The following LRRC4C variants were observed in gnomAD, a reference collection of about 807,000 sequenced individuals.
LRRC4C encodes the protein leucine-rich repeat-containing protein 4C.
In LRRC4C, 5 loss-of-function variants were observed where a neutral mutation model predicts 33.6. That is an observed-to-expected ratio of 0.15 (90% CI 0.08 to 0.31). The LOEUF (loss-of-function observed/expected upper bound fraction) is 0.31. Ranked by LOEUF, LRRC4C falls within the 10% of genes least tolerant of loss-of-function variation. The probability of loss-of-function intolerance (pLI) is 1.00; values close to 1 mark genes in which losing one functional copy is unlikely to be tolerated. For missense variants in LRRC4C, 560 were observed against 796.7 expected, an observed-to-expected ratio of 0.70 and a Z score of 3.58; for synonymous variants, 329 against 302.0, an observed-to-expected ratio of 1.09 and a Z score of -0.93.
intron 1 of LRRC4C, among the ~76,000 whole-genome samples, chr11:41,101,728 C>A (rs1941198344): frequency 6.6e-6 from 1 of 152,022 alleles, no homozygotes; most frequent in Non-Finnish European, 1.5e-5. Context: ...TTCACAGAAG[C>A]AAATACATGG....
chr11:41,265,803 C>G (rs1949129924), intron 1 of LRRC4C, among the ~76,000 whole-genome samples: 1 of 151,922 alleles, frequency 6.6e-6, no homozygotes, highest in South Asian at 2.1e-4. Context: ...CTCATATTAC[C>G]TGCCTTCCTT....
chr11:40,983,021 G>A (rs1171698230), intron 1 of LRRC4C, among the ~76,000 whole-genome samples: 1 of 152,128 alleles, frequency 6.6e-6, no homozygotes, highest in Non-Finnish European at 1.5e-5. Flanking sequence ...TTTTATGACT[G>A]CATAGTATTC....
chr11:40,966,967 T>C (rs1042645562), intron 1 of LRRC4C, among the ~76,000 whole-genome samples: 14 of 152,070 alleles, frequency 9.2e-5, no homozygotes, highest in Non-Finnish European at 1.0e-4. Flanking sequence ...CCACATGAGG[T>C]TGCACAGAAG....
chr11:40,872,141 C>T (rs907518505), intron 2 of LRRC4C, among the ~76,000 whole-genome samples: 16 of 152,036 alleles, frequency 1.1e-4, no homozygotes, highest in African/African-American at 3.4e-4. Context: ...GGCATCGGGA[C>T]ATCCACCAGT....
chr11:40,491,556 C>T (rs764618579), intron 3 of LRRC4C, among the ~76,000 whole-genome samples: 2 of 152,042 alleles, frequency 1.3e-5, no homozygotes, highest in African/African-American at 2.4e-5. Flanking sequence ...TGTAGGAATG[C>T]GTACCTCAGC....
chr11:40,580,513 A>G (rs911412464), intron 3 of LRRC4C, among the ~76,000 whole-genome samples: 4 of 152,180 alleles, frequency 2.6e-5, no homozygotes, highest in Non-Finnish European at 5.9e-5. Context: ...CATATCAGCT[A>G]CTGACCTTAG....
intron 2 of LRRC4C, among the ~76,000 whole-genome samples, chr11:40,886,858 A>C (rs556274459): frequency 6.6e-6 from 1 of 151,574 alleles, no homozygotes; most frequent in African/African-American, 2.4e-5. Flanking sequence ...ATATACAATC[A>C]ATACACAAGC....
intron 1 of LRRC4C, among the ~76,000 whole-genome samples, chr11:41,128,377 T>C (rs1448703398): frequency 1.3e-5 from 2 of 152,144 alleles, no homozygotes; most frequent in Non-Finnish European, 2.9e-5. Context: ...TTAAACTGAC[T>C]GTTCATTTTT....
intron 1 of LRRC4C, among the ~76,000 whole-genome samples, chr11:41,230,439 T>C (rs1417945727): frequency 1.3e-5 from 2 of 152,082 alleles, no homozygotes; most frequent in Non-Finnish European, 2.9e-5. Context: ...AATCCCACTT[T>C]CTCAGCCTCC....
intron 3 of LRRC4C, among the ~76,000 whole-genome samples, chr11:40,629,717 C>G (rs1303704675): frequency 6.6e-6 from 1 of 152,142 alleles, no homozygotes; most frequent in Admixed American, 6.5e-5. Context: ...ATGGTATTGA[C>G]CTTACTGATT....
At chr11:40,323,161 C>A (rs1380268346) in intron 3 of LRRC4C, among the ~76,000 whole-genome samples, 1 of 152,080 alleles carries the variant, frequency 6.6e-6, no homozygotes, top group Non-Finnish European at 1.5e-5. Context: ...GTTCTCATAG[C>A]TTCTCATAGC....
At chr11:41,196,074 G>T (rs559726216) in intron 1 of LRRC4C, among the ~76,000 whole-genome samples, 22 of 152,032 alleles carry the variant, frequency 1.4e-4, no homozygotes, top group Middle Eastern at 3.4e-3. Context: ...CAATAGAAGG[G>T]GCAATCTCTG....
At chr11:40,977,239 T>C (rs376713051) in intron 1 of LRRC4C, among the ~76,000 whole-genome samples, 1 of 152,058 alleles carries the variant, frequency 6.6e-6, no homozygotes, top group African/African-American at 2.4e-5. Flanking sequence ...CCACCACTCA[T>C]CTCCTCCTAT....
rs1950428974 is a variant in LRRC4C, at chr11:40,786,804, T to C, written c.-406-138526A>G. 2.0e-5 allele frequency among the ~76,000 whole-genome samples: 3 copies of C among 152,118 alleles called. No homozygotes were observed. The South Asian group carries it at 6.2e-4, about 31-fold the overall frequency. On this transcript the variant is annotated intron_variant, in intron 2 of 6. Transcript: ENST00000528697. ...CGAGCCAACAGCTGAGCATGCTTGCTTTGAGGATGTAACTACAGTACAAGT... is the reference window on the plus strand; with the variant it reads ...CGAGCCAACAGCTGAGCATGCTTGCCTTGAGGATGTAACTACAGTACAAGT...
rs530387139 is a variant in LRRC4C at position 41,254,328 on chromosome 11, G to A, written c.-496+205103C>T. Among the ~76,000 whole-genome samples, 31 of 152,070 alleles carry A rather than the reference G, an allele frequency of 2.0e-4. No individual in the cohort carries two copies. In the South Asian group the frequency reaches 4.8e-3, roughly 23 times the overall value. On this transcript the variant is annotated intron_variant, in intron 1 of 6. Coordinates refer to ENST00000528697, the MANE Select transcript of LRRC4C (RefSeq NM_001258419.2). ...TCAAAGTCGGGAATCATTGGTCTAC[G>A]TGGATCAATCAGTACTGAGTTTGAC...
At chr11:40,509,422 G>T (rs1279582644) in intron 3 of LRRC4C, among the ~76,000 whole-genome samples, 2 of 151,994 alleles carry the variant, frequency 1.3e-5, no homozygotes, top group Admixed American at 6.6e-5. Flanking sequence ...AATTTATTTT[G>T]CAATTGAAGA....
intron 3 of LRRC4C, among the ~76,000 whole-genome samples, chr11:40,333,668 C>T (rs1946461060): frequency 1.5e-5 from 2 of 134,980 alleles, no homozygotes; most frequent in Non-Finnish European, 3.0e-5. Context: ...AGTGAGCTGA[C>T]ATGGCGCCAT....
At chr11:40,125,200 A>G (rs1327848018) in intron 6 of LRRC4C, among the ~76,000 whole-genome samples, 1 of 152,050 alleles carries the variant, frequency 6.6e-6, no homozygotes, top group African/African-American at 2.4e-5. Flanking sequence ...CAGCTGAGGG[A>G]TTTCAGGAAT....
chr11:40,826,966 C>G (rs1252371541), intron 2 of LRRC4C, among the ~76,000 whole-genome samples: 3 of 151,958 alleles, frequency 2.0e-5, no homozygotes, highest in Non-Finnish European at 2.9e-5. Flanking sequence ...TTTGAAAACA[C>G]TACAAATTCC....
Sources: gnomAD v4.1 joint callset for allele counts (sites outside exome capture counted in the v4.1 genomes callset) on GRCh38, gnomAD v4.1.1 for gene constraint, MANE v1.5 for transcripts, NCBI Gene and HGNC (gene_info 2026-07-23, HGNC 2026-07-21) for gene names.